Variants in STARD13 observed in about 807,000 individuals in gnomAD.
STARD13 encodes the protein stAR-related lipid transfer protein 13.
STARD13 carries 62 observed loss-of-function variants against 106.4 expected under a neutral mutation model. That is an observed-to-expected ratio of 0.58 (90% CI 0.48 to 0.72). The LOEUF (loss-of-function observed/expected upper bound fraction) is 0.72. Among genes scored for constraint, STARD13 ranks in the 30% least tolerant of loss-of-function variants. The probability of loss-of-function intolerance (pLI) is 0.00; values close to 1 mark genes in which losing one functional copy is unlikely to be tolerated. For synonymous variants in STARD13, 565 were observed against 553.0 expected (o/e 1.02, Z -0.31); for missense variants, 1,387 against 1,424.0 (o/e 0.97, Z 0.42).
At chr13:33,387,119 CT>C in the STARD13 span, among the ~76,000 whole-genome samples, 4 of 152,164 alleles carry the variant, frequency 2.6e-5, no homozygotes, top group Non-Finnish European at 5.9e-5. Context: ...GATACTCCCA[CT>C]TCAGCCTCTC....
chr13:33,429,948 C>T, the STARD13 span, among the ~76,000 whole-genome samples: 4 of 149,406 alleles, frequency 2.7e-5, no homozygotes, highest in East Asian at 2.0e-4. Context: ...GACGGAGTCT[C>T]GCTCTGTTGC....
chr13:33,458,167 C>T, the STARD13 span, among the ~76,000 whole-genome samples: 16 of 152,050 alleles, frequency 1.1e-4, no homozygotes, highest in East Asian at 1.9e-4. Flanking sequence ...AAGAAGGGGA[C>T]GTTGGAGAAG....
chr13:33,584,810 T>C, the STARD13 span, among the ~76,000 whole-genome samples: 17 of 152,020 alleles, frequency 1.1e-4, no homozygotes, highest in African/African-American at 4.1e-4. Flanking sequence ...ATCCCCTTGG[T>C]GCTGTCCTCA....
intron 1 of STARD13, among the ~76,000 whole-genome samples, chr13:33,215,542 A>C (rs755446527): frequency 6.6e-6 from 1 of 152,182 alleles, no homozygotes; most frequent in African/African-American, 2.4e-5. Context: ...GGATGCTCAG[A>C]CATAATAATG....
chr13:33,646,012 CTAT>C, the STARD13 span, among the ~76,000 whole-genome samples: 1 of 151,836 alleles, frequency 6.6e-6, no homozygotes, highest in Non-Finnish European at 1.5e-5. Context: ...CGGACACAGG[CTAT>C]TGTCACAGAG....
At chr13:33,573,876 A>G in the STARD13 span, among the ~76,000 whole-genome samples, 1 of 152,158 alleles carries the variant, frequency 6.6e-6, no homozygotes, top group South Asian at 2.1e-4. Flanking sequence ...AATTCCCAGA[A>G]CAAATTGTGT....
the STARD13 span, chr13:33,355,721 T>C: frequency 3.3e-5 from 5 of 152,178 alleles, no homozygotes; most frequent in African/African-American, 9.7e-5. Flanking sequence ...ATTTTAAAAG[T>C]GTTGCTGAAA....
intron 3 of STARD13, among the ~76,000 whole-genome samples, chr13:33,158,257 C>A (rs893694903): frequency 1.3e-5 from 2 of 152,156 alleles, no homozygotes; most frequent in Admixed American, 6.6e-5. Flanking sequence ...CAGAGCCAGG[C>A]CTTGGTCCTC....
the STARD13 span, among the ~76,000 whole-genome samples, chr13:33,517,295 A>C: frequency 2.6e-5 from 4 of 152,068 alleles, no homozygotes; most frequent in Non-Finnish European, 5.9e-5. Context: ...GCCTACCTCT[A>C]CCTCAACCAA....
chr13:33,301,552 CTT>C (rs1555260057), intron 1 of STARD13, among the ~76,000 whole-genome samples: 1 of 129,550 alleles, frequency 7.7e-6, no homozygotes, highest in Admixed American at 8.2e-5. Flanking sequence ...CCTTGAGTTT[CTT>C]TTTCTTTTTT....
chr13:33,294,822 G>A (rs565986594), intron 1 of STARD13, among the ~76,000 whole-genome samples: 2 of 152,130 alleles, frequency 1.3e-5, no homozygotes, highest in South Asian at 4.1e-4. Context: ...TTTTCTTAAT[G>A]TTGACTCAAA....
At chr13:33,575,216 A>G in the STARD13 span, among the ~76,000 whole-genome samples, 3 of 152,074 alleles carry the variant, frequency 2.0e-5, no homozygotes, top group Non-Finnish European at 2.9e-5. Flanking sequence ...GCGCCCGGCC[A>G]TACCTACGTA....
intron 1 of STARD13, among the ~76,000 whole-genome samples, chr13:33,238,945 A>G (rs1002451389): frequency 1.3e-5 from 2 of 152,000 alleles, no homozygotes; most frequent in Non-Finnish European, 2.9e-5. Context: ...TGTTTTTTCT[A>G]TGTACATGTT....
intron 1 of STARD13, among the ~76,000 whole-genome samples, chr13:33,214,699 TACACACACACACACACACAC>T (rs55996131): frequency 6.9e-6 from 1 of 144,044 alleles, no homozygotes; most frequent in Non-Finnish European, 1.5e-5. Flanking sequence ...CATGCACACA[TACACACACACACACACACAC>T]ACACACACAC....
chr13:33,288,535 A>G (rs1464611110), upstream of STARD13, among the ~76,000 whole-genome samples: 1 of 151,954 alleles, frequency 6.6e-6, no homozygotes, highest in Non-Finnish European at 1.5e-5. Flanking sequence ...TCAGCTTCCC[A>G]AAGTGGTAGG....
chr13:33,167,566 C>G lies in STARD13; in HGVS notation c.226G>C (p.Ala76Pro). The change falls in exon 2 of 14, where the codon GCT (alanine) becomes CCT (proline). Residue 76 changes from alanine (A) to proline (P), a missense_variant. Coordinates refer to ENST00000336934, the MANE Select transcript of STARD13 (RefSeq NM_178006.4). ...GCTGACGTACCCTCATATAACTGAGCGTATTGCGGGAACCCGGCAGCACGG... is the reference window on the plus strand; with the variant it reads ...GCTGACGTACCCTCATATAACTGAGGGTATTGCGGGAACCCGGCAGCACGG... ...WLRAAGFPQY[A>P]QLYEDSQFPI... The G allele has an allele frequency of 6.2e-7, 1 of 1,614,096 alleles. No homozygotes were observed. The highest frequency in any genetic ancestry group is 1.1e-5 in the South Asian group (1 of 91,082).
chr13:33,614,453 G>A, the STARD13 span, among the ~76,000 whole-genome samples: 1 of 152,138 alleles, frequency 6.6e-6, no homozygotes, highest in Non-Finnish European at 1.5e-5. Flanking sequence ...CAGCTGGTGG[G>A]CCACAGGTGT....
At chr13:33,338,841 C>T (rs906080273) in intron 1 of STARD13, among the ~76,000 whole-genome samples, 4 of 137,798 alleles carry the variant, frequency 2.9e-5, no homozygotes, top group Non-Finnish European at 4.5e-5. Flanking sequence ...GCTGAGATCG[C>T]GGCACTGCAC....
chr13:33,180,860 A>G (rs967164013), intron 1 of STARD13, among the ~76,000 whole-genome samples: 1 of 152,262 alleles, frequency 6.6e-6, no homozygotes, highest in Admixed American at 6.5e-5. Flanking sequence ...TGGAAAATTT[A>G]GAAATCCGTC....
Sources: gnomAD v4.1 joint callset for allele counts (sites outside exome capture counted in the v4.1 genomes callset) on GRCh38, gnomAD v4.1.1 for gene constraint, MANE v1.5 for transcripts, NCBI Gene and HGNC (gene_info 2026-07-23, HGNC 2026-07-21) for gene names.